DHX15: variants seen among roughly 807,000 people sequenced by gnomAD.
The protein encoded by DHX15 is ATP-dependent RNA helicase DHX15.
A neutral mutation model predicts 94.4 loss-of-function variants in DHX15; 11 were observed. The ratio of observed to expected loss-of-function variants is 0.12; its 90% CI spans 0.07 to 0.19. DHX15 has a LOEUF of 0.19. Among genes scored for constraint, DHX15 ranks in the 10% least tolerant of loss-of-function variants. The pLI is 1.00. For missense variants in DHX15, 304 were observed against 988.5 expected (o/e 0.31, Z 9.29); for synonymous variants, 338 against 329.9 (o/e 1.02, Z -0.27).
intron 1 of DHX15, among the ~76,000 whole-genome samples, chr4:24,578,001 A>G (rs2109012455): frequency 6.6e-6 from 1 of 152,324 alleles, no homozygotes; most frequent in South Asian, 2.1e-4. Context: ...GTTGTGTGAC[A>G]TGTACAAATT....
At chr4:24,565,996 C>T (rs1350281440) in intron 3 of DHX15, among the ~76,000 whole-genome samples, 1 of 152,000 alleles carries the variant, frequency 6.6e-6, no homozygotes, top group Non-Finnish European at 1.5e-5. Flanking sequence ...ACCCTAGAGG[C>T]TATGCTCTAG....
chr4:24,584,290 G>C, intron 1 of DHX15, 33 bp downstream of exon 1: 8 of 1,598,612 alleles, frequency 5.0e-6, no homozygotes, highest in Non-Finnish European at 6.8e-6. Context: ...AACAAAGCCC[G>C]AGCTGCCGCC....
chr4:24,543,142 T>C, intron 6 of DHX15, 116 bp from the exon 7 acceptor site: 1 of 666,318 alleles, frequency 1.5e-6, no homozygotes, highest in African/African-American at 1.9e-5. Context: ...GCAAATAAAC[T>C]AGAAATATCA....
chr4:24,533,688 C>T (rs1721137209), intron 11 of DHX15: 1 of 152,890 alleles, frequency 6.5e-6, no homozygotes. Flanking sequence ...CTGATGAATC[C>T]TTGATAAGCT....
intron 1 of DHX15, among the ~76,000 whole-genome samples, chr4:24,577,743 T>C (rs1044236653): frequency 2.6e-5 from 4 of 152,140 alleles, no homozygotes; most frequent in Non-Finnish European, 5.9e-5. Flanking sequence ...GTTGTTCATA[T>C]GCGTTGTGGC....
chr4:24,579,574 T>C (rs192566783), intron 1 of DHX15, among the ~76,000 whole-genome samples: 1 of 152,346 alleles, frequency 6.6e-6, no homozygotes, highest in East Asian at 1.9e-4. Flanking sequence ...TACTGCTCTG[T>C]ACTGTGTCTC....
intron 1 of DHX15, among the ~76,000 whole-genome samples, chr4:24,582,466 A>T (rs1336470080): frequency 6.6e-6 from 1 of 152,266 alleles, no homozygotes; most frequent in Non-Finnish European, 1.5e-5. Flanking sequence ...ATGCACAAAT[A>T]CAAATGAATT....
chr4:24,550,318 TA>T (rs1372736140), intron 5 of DHX15, among the ~76,000 whole-genome samples: 1 of 152,014 alleles, frequency 6.6e-6, no homozygotes, highest in Non-Finnish European at 1.5e-5. Context: ...TTTTTTGATA[TA>T]TTTTTCTTTC....
chr4:24,559,390 A>AG (rs1721814502), intron 3 of DHX15, among the ~76,000 whole-genome samples: 1 of 138,504 alleles, frequency 7.2e-6, no homozygotes, highest in African/African-American at 2.5e-5. Flanking sequence ...AAAAAAAAAA[A>AG]AAAAAAGAAA....
intron 3 of DHX15, among the ~76,000 whole-genome samples, chr4:24,562,209 A>T (rs1376200972): frequency 6.6e-6 from 1 of 152,072 alleles, no homozygotes; most frequent in East Asian, 1.9e-4. Context: ...AAACCTGCAC[A>T]TATACCCTTG....
chr4:24,582,567 G>A (rs1292347183), intron 1 of DHX15, among the ~76,000 whole-genome samples: 1 of 152,190 alleles, frequency 6.6e-6, no homozygotes, highest in Non-Finnish European at 1.5e-5. Context: ...TTGCCTTAGA[G>A]AAATCAAGAA....
intron 6 of DHX15, among the ~76,000 whole-genome samples, chr4:24,543,769 TATA>T (rs1291118390): frequency 6.6e-6 from 1 of 152,160 alleles, no homozygotes; most frequent in Non-Finnish European, 1.5e-5. Flanking sequence ...ACATGTTACA[TATA>T]ATTTTTTTTT....
intron 9 of DHX15, 105 bp downstream of exon 9, chr4:24,540,735 A>T: frequency 1.6e-6 from 1 of 635,164 alleles, no homozygotes; most frequent in Non-Finnish European, 2.7e-6. Context: ...ACTGGATGGA[A>T]AAAGCAAAAT....
intron 3 of DHX15, among the ~76,000 whole-genome samples, chr4:24,569,591 C>CAAAAAAAAAA (rs60075617): frequency 4.4e-5 from 3 of 68,676 alleles, no homozygotes; most frequent in African/African-American, 1.0e-4. Context: ...GACTCCATCT[C>CAAAAAAAAAA]AAAAAAAAAA....
At chr4:24,533,198 G>T in intron 11 of DHX15, 144 bp from the exon 12 acceptor site, 2 of 718,106 alleles carry the variant, frequency 2.8e-6, no homozygotes, top group South Asian at 1.6e-5. Flanking sequence ...TAAATGAACT[G>T]CAATGTTACC....
intron 13 of DHX15, among the ~76,000 whole-genome samples, chr4:24,528,603 G>A (rs1196582196): frequency 6.6e-6 from 1 of 152,126 alleles, no homozygotes; most frequent in East Asian, 1.9e-4. Flanking sequence ...GAAAGCAGCT[G>A]CACAATATAA....
intron 12 of DHX15, chr4:24,530,132 T>C: frequency 3.3e-6 from 1 of 304,424 alleles, no homozygotes; most frequent in Non-Finnish European, 6.1e-6. Context: ...ATACCTATTA[T>C]GCTCCAAGAG....
intron 2 of DHX15, among the ~76,000 whole-genome samples, chr4:24,573,486 T>C (rs1722170269): frequency 6.6e-6 from 1 of 152,186 alleles, no homozygotes. Flanking sequence ...TCCAAAATAC[T>C]TGTAATTCCT....
At chr4:24,565,144 A>G (rs1316382885) in intron 3 of DHX15, among the ~76,000 whole-genome samples, 4 of 152,224 alleles carry the variant, frequency 2.6e-5, no homozygotes, top group Non-Finnish European at 5.9e-5. Context: ...ATGAATGTGT[A>G]GGGTGTAGGT....
Sources: allele counts gnomAD v4.1 joint callset (sites outside exome capture counted in the v4.1 genomes callset), GRCh38; gene constraint gnomAD v4.1.1; transcripts MANE v1.5; gene names NCBI Gene and HGNC (gene_info 2026-07-23, HGNC 2026-07-21).